The following HEATR5B variants were observed in gnomAD, a reference collection of about 807,000 sequenced individuals.
HEATR5B encodes the protein HEAT repeat containing 5B, also known as HEAT repeat-containing protein 5B.
In HEATR5B, 156 loss-of-function variants were observed where a neutral mutation model predicts 224.1. The ratio of observed to expected loss-of-function variants is 0.70; its 90% CI spans 0.61 to 0.80. The LOEUF is 0.80. Ranked by LOEUF, HEATR5B falls within the 30% of genes least tolerant of loss-of-function variation. The pLI is 0.00. For missense variants in HEATR5B, 2,323 were observed against 2,535.5 expected (o/e 0.92, Z 1.80); for synonymous variants, 1,027 against 893.0 (o/e 1.15, Z -2.68).
chr2:37,059,446 GTA>G lies in HEATR5B; in HGVS notation c.1850-461_1850-460del, dbSNP rs869310641. 2.6e-3 allele frequency among the ~76,000 whole-genome samples: 109 copies of G among 42,298 alleles called. 2 individuals carry two copies. Among genetic ancestry groups the G allele is most frequent in the South Asian group, 4.3e-3 (4 of 930 alleles). The allele number at this position is 42,298 out of a possible 152,430, so 27.7% of individuals were successfully genotyped here. A position where few individuals can be genotyped will look rare whatever the true frequency, so the allele number is the denominator to read the frequency against. On this transcript the variant is annotated intron_variant, in intron 12 of 35. Transcript: ENST00000233099. ...TGTGTGTGTGTGTGTGTGTGTGTGT[GTA>G]TATATATATATATATATTTTTTTTT...
At chr2:37,010,535 TG>T (rs58260329) in intron 27 of HEATR5B, among the ~76,000 whole-genome samples, 79,761 of 150,352 alleles carry the variant, frequency 0.53, 21,462 homozygotes, top group East Asian at 0.66. Context: ...TTTTTTGAGA[TG>T]GGAGTCTCGA....
At chr2:37,017,022 T>C (rs956280810) in intron 26 of HEATR5B, among the ~76,000 whole-genome samples, 2 of 152,184 alleles carry the variant, frequency 1.3e-5, no homozygotes, top group Non-Finnish European at 2.9e-5. Context: ...TTGATAAATA[T>C]TTCTGTGAAA....
In HEATR5B at chr2:37,024,380, G is replaced by A. The variant is rs146994608; in HGVS notation, c.3853+3543C>T. On this transcript the variant is annotated intron_variant, in intron 24 of 35. Coordinates refer to ENST00000233099, the MANE Select transcript of HEATR5B (RefSeq NM_019024.3). ...TGTATTCTTGAAAAATGCAAAGATG[G>A]TGGATGTTAAGTGGTCTCACACAAA... Among the ~76,000 whole-genome samples the A allele has an allele frequency of 9.3e-4, 141 of 152,236 alleles. 2 individuals carry two copies. In the East Asian group the frequency reaches 0.023, roughly 25 times the overall value.
At chr2:37,034,061 T>C (rs1669312205) in intron 21 of HEATR5B, among the ~76,000 whole-genome samples, 1 of 152,096 alleles carries the variant, frequency 6.6e-6, no homozygotes, top group African/African-American at 2.4e-5. Flanking sequence ...AGTATATTTT[T>C]AGGCTATTAA....
intron 26 of HEATR5B, among the ~76,000 whole-genome samples, chr2:37,016,796 T>G (rs901820849): frequency 6.6e-6 from 1 of 151,026 alleles, no homozygotes; most frequent in Non-Finnish European, 1.5e-5. Flanking sequence ...TTATGTCAAA[T>G]TTTATTCTCA....
At chr2:37,072,754 A>G (rs1222063228) in intron 5 of HEATR5B, among the ~76,000 whole-genome samples, 2 of 147,830 alleles carry the variant, frequency 1.4e-5, no homozygotes, top group Admixed American at 6.8e-5. Flanking sequence ...GCTGATCAGG[A>G]AAAAAAAAAA....
At chr2:36,993,515 C>G (rs1458774040) in intron 33 of HEATR5B, among the ~76,000 whole-genome samples, 1 of 150,352 alleles carries the variant, frequency 6.7e-6, no homozygotes. Flanking sequence ...TGCACTCCAG[C>G]CTGGGCAACA....
chr2:37,065,324 CT>C (rs566277259), intron 9 of HEATR5B, among the ~76,000 whole-genome samples: 119 of 145,712 alleles, frequency 8.2e-4, no homozygotes, highest in Middle Eastern at 3.5e-3. Flanking sequence ...TACAAGGAAA[CT>C]TTTTTTTTTT....
chr2:37,004,550 T>A (rs1465958349), intron 30 of HEATR5B, among the ~76,000 whole-genome samples: 1 of 151,778 alleles, frequency 6.6e-6, no homozygotes. Context: ...TCCTTTACTC[T>A]CTTATTCACT....
chr2:37,015,232 T>C (rs1668041949), intron 26 of HEATR5B, among the ~76,000 whole-genome samples: 2 of 152,174 alleles, frequency 1.3e-5, no homozygotes, highest in Admixed American at 6.5e-5. Context: ...TAGATTAAGG[T>C]AAAATTTACA....
intron 6 of HEATR5B, among the ~76,000 whole-genome samples, chr2:37,070,632 A>G (rs1671850067): frequency 6.6e-6 from 1 of 152,194 alleles, no homozygotes; most frequent in Non-Finnish European, 1.5e-5. Flanking sequence ...AAAATAGTCT[A>G]ATAATAATAA....
chr2:37,040,358 A>G lies in HEATR5B; in HGVS notation c.3017T>C (p.Ile1006Thr). 6.2e-7 allele frequency: 1 copy of G among 1,614,016 alleles called. No homozygotes were observed. The highest frequency in any genetic ancestry group is 8.5e-7 in the Non-Finnish European group (1 of 1,179,956). Residue 1006 changes from isoleucine (I) to threonine (T), a missense_variant, in exon 20 of 36, where the codon ATA becomes ACA. Around this residue, in one of 12 missense-constraint regions of HEATR5B, gnomAD observed 22 missense variants for 46.9 expected, o/e 0.47. Coordinates refer to ENST00000233099, the MANE Select transcript of HEATR5B (RefSeq NM_019024.3). ...HQCLGRCLGAIITTVGPELQG... is the reference protein window; with the variant it reads ...HQCLGRCLGATITTVGPELQG... ...TAGTTCAGGGCCAACAGTAGTTATTATAGCACCCAAGCATCGACCCAAACA... is the reference window on the plus strand; with the variant it reads ...TAGTTCAGGGCCAACAGTAGTTATTGTAGCACCCAAGCATCGACCCAAACA...
chr2:37,007,287 G>C lies in HEATR5B; in HGVS notation c.4540C>G (p.Pro1514Ala). The C allele has an allele frequency of 6.2e-7, 1 of 1,613,614 alleles. No homozygotes were observed. The highest frequency in any genetic ancestry group is 8.5e-7 in the Non-Finnish European group (1 of 1,179,880). ...AGTCTAGCTGTATCAATAGTTTCAG[G>C]GGTATAAAATGCTCCACCTGTAAAG... ...LPPDGGAFYT[P>A]ETIDTARLHY... is the part of the protein sequence containing the mutation. The change falls in exon 29 of 36, where the codon CCT (proline) becomes GCT (alanine). Residue 1514 changes from proline to alanine, a missense_variant. By Grantham distance (27) the Pro-to-Ala change is conservative (BLOSUM62 -1). This residue lies in a region of HEATR5B where 844 missense variants were observed against 812.9 expected (regional missense o/e 1.04). Transcript: ENST00000233099.
chr2:36,995,680 C>T (rs2706805), intron 33 of HEATR5B, among the ~76,000 whole-genome samples: 15,137 of 152,084 alleles, frequency 0.1, 1,640 homozygotes, highest in African/African-American at 0.27. Context: ...TTAATTTCTT[C>T]GGGTCTGGGT....
chr2:37,009,872 G>T (rs1005316963), intron 27 of HEATR5B, among the ~76,000 whole-genome samples: 10 of 150,918 alleles, frequency 6.6e-5, no homozygotes, highest in Non-Finnish European at 1.5e-4. Context: ...AAAGTAAGCA[G>T]CTGAGAGGCA....
intron 5 of HEATR5B, among the ~76,000 whole-genome samples, chr2:37,075,170 A>G (rs1055980445): frequency 1.6e-4 from 24 of 152,246 alleles, no homozygotes; most frequent in African/African-American, 5.1e-4. Flanking sequence ...TCAAATGTTT[A>G]TAACAGGTGA....
At position 37,007,168 on chromosome 2, in the gene HEATR5B, T is replaced by G. The variant is rs781671104; in HGVS notation, c.4659A>C (p.Ala1553=). Residue 1553 remains alanine (A), a synonymous_variant, in exon 29 of 36, where the codon GCA becomes GCC. Coordinates refer to ENST00000233099, the MANE Select transcript of HEATR5B (RefSeq NM_019024.3). The part of the protein sequence containing the change: ...GFTCSESTEA[A]AISGLQKRST... ...AACGTTTTTGTAAACCAGATATTGC[T>G]GCTGCTTCTGTAGACTCTGAGCACG... is the stretch of plus-strand genomic sequence containing the variant. 1 of 1,614,180 alleles carries G rather than the reference T, an allele frequency of 6.2e-7. No individual in the cohort carries two copies. Among genetic ancestry groups the G allele is most frequent in the Admixed American group, 1.7e-5 (1 of 60,016 alleles).
chr2:37,060,539 T>A, intron 12 of HEATR5B, 42 bp downstream of exon 12: 1 of 1,460,772 alleles, frequency 6.8e-7, no homozygotes. Context: ...AATATTTTAG[T>A]TATGTCATAA....
intron 5 of HEATR5B, among the ~76,000 whole-genome samples, chr2:37,073,652 T>C (rs572716980): frequency 1.3e-5 from 2 of 152,296 alleles, no homozygotes; most frequent in African/African-American, 2.4e-5. Context: ...CTAAGAGATA[T>C]GAAAGACCAA....
Sources: gnomAD v4.1 joint callset for allele counts (sites outside exome capture counted in the v4.1 genomes callset) on GRCh38, gnomAD v4.1.1 for gene constraint, gnomAD v4.1.1 regional missense constraint, MANE v1.5 for transcripts, NCBI Gene and HGNC (gene_info 2026-07-23, HGNC 2026-07-21) for gene names.